Variants in OPCML observed in about 807,000 individuals in gnomAD.
OPCML encodes opioid-binding protein/cell adhesion molecule.
OPCML carries 13 observed loss-of-function variants against 37.8 expected under a neutral mutation model. That is an observed-to-expected ratio of 0.34 (90% CI 0.22 to 0.55). The LOEUF (loss-of-function observed/expected upper bound fraction) is 0.55. Among genes scored for constraint, OPCML ranks in the 20% least tolerant of loss-of-function variants. OPCML has a pLI of 0.91. For synonymous variants in OPCML, 176 were observed against 168.8 expected, an observed-to-expected ratio of 1.04 and a Z score of -0.33; for missense variants, 341 against 435.6, an observed-to-expected ratio of 0.78 and a Z score of 1.93.
rs184020988 is a variant in OPCML, at chr11:133,458,653, G to A, written c.61+73611C>T. ...TGTGTGTATATACACATAGATGCACGTGTGTGTGTATATATACACATAGAT... is the reference window on the plus strand; with the variant it reads ...TGTGTGTATATACACATAGATGCACATGTGTGTGTATATATACACATAGAT... On this transcript the variant is annotated intron_variant, in intron 1 of 7. Coordinates refer to ENST00000524381, the MANE Select transcript of OPCML (RefSeq NM_001012393.5). Among the ~76,000 whole-genome samples the A allele has an allele frequency of 8.7e-5, 11 of 125,952 alleles. 1 individual carries two copies. The highest frequency in any genetic ancestry group is 4.1e-3 in the Middle Eastern group (1 of 244). The allele number at this position is 125,952 out of a possible 152,430, so 82.6% of individuals were successfully genotyped here.
chr11:132,785,532 C>T (rs984593662), intron 2 of OPCML, among the ~76,000 whole-genome samples: 2 of 152,166 alleles, frequency 1.3e-5, no homozygotes, highest in Admixed American at 6.5e-5. Flanking sequence ...AAGAGATAAA[C>T]AATGACAATC....
At chr11:132,631,135 T>C (rs979335714) in intron 3 of OPCML, among the ~76,000 whole-genome samples, 2 of 151,824 alleles carry the variant, frequency 1.3e-5, no homozygotes, top group African/African-American at 4.8e-5. Flanking sequence ...TACGTAATAT[T>C]TCCTTAAGTT....
rs776725045 is a variant in OPCML, at chr11:133,070,480, G to A, written c.62-127470C>T. Among the ~76,000 whole-genome samples the A allele has an allele frequency of 2.0e-4, 30 of 152,168 alleles. 1 individual carries two copies. Among genetic ancestry groups the A allele is most frequent in the Admixed American group, 6.6e-5 (1 of 15,266 alleles). ...GAAAGTGAATGCTGACTTCCACCCA[G>A]GGATGTGATGGCCAGAGGCGGGCCC... is the stretch of plus-strand genomic sequence containing the variant. On this transcript the variant is annotated intron_variant, in intron 1 of 7. Transcript: ENST00000524381.
chr11:132,635,369 A>C (rs1940422872), intron 3 of OPCML, among the ~76,000 whole-genome samples: 1 of 152,216 alleles, frequency 6.6e-6, no homozygotes, highest in Admixed American at 6.5e-5. Context: ...AACAATAACA[A>C]AAACAAAAAC....
At chr11:132,632,717 T>A (rs1221583189) in intron 3 of OPCML, among the ~76,000 whole-genome samples, 1 of 152,138 alleles carries the variant, frequency 6.6e-6, no homozygotes, top group African/African-American at 2.4e-5. Context: ...ATGTGAGATA[T>A]GTATCTATTC....
intron 1 of OPCML, among the ~76,000 whole-genome samples, chr11:132,962,853 T>G (rs1014660924): frequency 1.2e-4 from 18 of 152,336 alleles, no homozygotes; most frequent in African/African-American, 4.1e-4. Context: ...GCTCTCCAAC[T>G]TAGCTTTTTG....
Position 132,677,900 on chromosome 11 carries a change from G to A in OPCML, c.147-20581C>T, listed in dbSNP as rs188846450. Among the ~76,000 whole-genome samples, 321 of 152,148 alleles carry A rather than the reference G, an allele frequency of 2.1e-3. 1 individual carries two copies. Among genetic ancestry groups the A allele is most frequent in the African/African-American group, 6.2e-3 (259 of 41,536 alleles). ...AATTCATGAAAGAAAGAATTGATACGCTGGATTTCATTAAAATTAAAAAAT... is the reference window on the plus strand; with the variant it reads ...AATTCATGAAAGAAAGAATTGATACACTGGATTTCATTAAAATTAAAAAAT... On this transcript the variant is annotated intron_variant, in intron 2 of 7. Transcript: ENST00000524381.
chr11:132,617,328 A>G (rs919018962), intron 3 of OPCML, among the ~76,000 whole-genome samples: 1 of 152,236 alleles, frequency 6.6e-6, no homozygotes, highest in African/African-American at 2.4e-5. Flanking sequence ...TCAACTGAGC[A>G]AGAGTTAAAC....
At chr11:132,792,302 A>C (rs924021881) in intron 2 of OPCML, among the ~76,000 whole-genome samples, 1 of 152,176 alleles carries the variant, frequency 6.6e-6, no homozygotes, top group Non-Finnish European at 1.5e-5. Flanking sequence ...GAAAAAAAAA[A>C]GTGCTGAGGG....
chr11:133,107,412 A>G (rs917237229), intron 1 of OPCML, among the ~76,000 whole-genome samples: 1 of 152,226 alleles, frequency 6.6e-6, no homozygotes, highest in African/African-American at 2.4e-5. Context: ...ACTGATTTAC[A>G]GAGGCATTGC....
chr11:132,602,244 G>A (rs1347891875), intron 3 of OPCML, among the ~76,000 whole-genome samples: 1 of 152,088 alleles, frequency 6.6e-6, no homozygotes, highest in African/African-American at 2.4e-5. Flanking sequence ...AAAGGGAGGA[G>A]AATGAAAATG....
intron 1 of OPCML, among the ~76,000 whole-genome samples, chr11:133,199,456 C>T (rs148628761): frequency 2.6e-5 from 4 of 152,066 alleles, no homozygotes; most frequent in South Asian, 4.1e-4. Flanking sequence ...ACGCTACAGT[C>T]GCCTAGTGAT....
At chr11:132,463,062 T>C (rs658982) in intron 4 of OPCML, among the ~76,000 whole-genome samples, 151,560 of 152,334 alleles carry the variant, frequency 0.99, 75,397 homozygotes, top group East Asian at 1. Flanking sequence ...ACTTATCCAA[T>C]AGTGAAGCCA....
In OPCML at chr11:133,077,558, A is replaced by T. The variant is rs191872935; in HGVS notation, c.62-134548T>A. Reference sequence around the variant, plus strand: ...GTAAGAATTTTTTTAATTACTATAAATAACTTCAAAAGCAAAAAGCACAAG... The same window carrying T: ...GTAAGAATTTTTTTAATTACTATAATTAACTTCAAAAGCAAAAAGCACAAG... On this transcript the variant is annotated intron_variant, in intron 1 of 7. Transcript: ENST00000524381. 5.3e-5 allele frequency among the ~76,000 whole-genome samples: 8 copies of T among 152,344 alleles called. No individual in the cohort carries two copies. In the East Asian group the frequency reaches 1.5e-3, roughly 29 times the overall value.
chr11:133,118,412 C>T (rs1949369616), intron 1 of OPCML: 1 of 985,342 alleles, frequency 1.0e-6, no homozygotes, highest in Non-Finnish European at 1.2e-6. Context: ...GCTGGCCTTC[C>T]TTTCATGGAG....
chr11:133,504,811 A>G (rs1947991913), intron 1 of OPCML, among the ~76,000 whole-genome samples: 1 of 152,254 alleles, frequency 6.6e-6, no homozygotes, highest in South Asian at 2.1e-4. Flanking sequence ...TTTCAAGACC[A>G]AATTAAAATG....
intron 2 of OPCML, among the ~76,000 whole-genome samples, chr11:132,691,868 T>C (rs1050492989): frequency 5.3e-5 from 8 of 152,200 alleles, no homozygotes; most frequent in African/African-American, 1.9e-4. Context: ...AGGGTACTAT[T>C]TCACAGAGGG....
intron 1 of OPCML, among the ~76,000 whole-genome samples, chr11:132,984,312 C>A (rs1419975829): frequency 6.6e-6 from 1 of 152,110 alleles, no homozygotes; most frequent in Admixed American, 6.5e-5. Context: ...AGATGAATTT[C>A]ACAAATATTT....
chr11:133,230,694 C>G (rs1940240276), intron 1 of OPCML, among the ~76,000 whole-genome samples: 1 of 152,214 alleles, frequency 6.6e-6, no homozygotes, highest in Non-Finnish European at 1.5e-5. Flanking sequence ...GACAGTGGAG[C>G]AGCCTCAGCC....
Sources: allele counts gnomAD v4.1 joint callset (sites outside exome capture counted in the v4.1 genomes callset), GRCh38; gene constraint gnomAD v4.1.1; transcripts MANE v1.5; gene names NCBI Gene and HGNC (gene_info 2026-07-23, HGNC 2026-07-21).